The following RSPH14 variants were observed in gnomAD, a reference collection of about 807,000 sequenced individuals.
RSPH14 encodes the protein rhabdoid tumor deletion region gene 1.
RSPH14 carries 20 observed loss-of-function variants against 26.7 expected under a neutral mutation model. The observed-to-expected ratio is 0.75, with a 90% CI of 0.53 to 1.09. The LOEUF (loss-of-function observed/expected upper bound fraction) is 1.09, where lower values mean the gene tolerates loss of function less well. Among genes scored for constraint, RSPH14 ranks in the 50% least tolerant of loss-of-function variants. The pLI is 0.00. For missense variants in RSPH14, 449 were observed against 457.2 expected (o/e 0.98, Z 0.16); for synonymous variants, 177 against 189.3 (o/e 0.93, Z 0.53).
chr22:23,143,628 T>C (rs1207934816), upstream of RSPH14, among the ~76,000 whole-genome samples: 1 of 152,228 alleles, frequency 6.6e-6, no homozygotes, highest in Non-Finnish European at 1.5e-5. Context: ...TGTCATCCTT[T>C]GTCTAAAAAG....
rs1389856602 is a variant in RSPH14, at chr22:23,112,992, C to T, written c.421+21034G>A. Among the ~76,000 whole-genome samples the T allele has an allele frequency of 2.0e-5, 3 of 152,180 alleles. No individual in the cohort carries two copies. The East Asian group carries it at 5.8e-4, about 29-fold the overall frequency. On this transcript the variant is annotated intron_variant, in intron 4 of 6. Transcript: ENST00000216036. Reference sequence around the variant, plus strand: ...AGGAACATCCAGCTTTCAGGTCTGACGTGGCCCATTTTACCAGAAGAAGGG... The same window carrying T: ...AGGAACATCCAGCTTTCAGGTCTGATGTGGCCCATTTTACCAGAAGAAGGG...
At chr22:23,156,599 A>C in the RSPH14 span, among the ~76,000 whole-genome samples, 1 of 152,256 alleles carries the variant, frequency 6.6e-6, no homozygotes, top group Non-Finnish European at 1.5e-5. Context: ...AATGGATTTC[A>C]GTGGGAGATG....
At chr22:23,130,084 G>GAAGAAAGAAAGAAAGA (rs1221656067) in intron 4 of RSPH14, among the ~76,000 whole-genome samples, 2 of 51,756 alleles carry the variant, frequency 3.9e-5, no homozygotes, top group Non-Finnish European at 7.8e-5. Flanking sequence ...AGAAAGAAAG[G>GAAGAAAGAAAGAAAGA]AAGAAAGAAA....
chr22:23,118,178 A>T (rs1037082837), intron 4 of RSPH14, among the ~76,000 whole-genome samples: 11 of 152,144 alleles, frequency 7.2e-5, no homozygotes, highest in African/African-American at 2.7e-4. Context: ...CCAGGAAATG[A>T]CTTCCACACC....
chr22:23,171,278 C>G, the RSPH14 span, among the ~76,000 whole-genome samples: 1 of 152,098 alleles, frequency 6.6e-6, no homozygotes, highest in Admixed American at 6.5e-5. Context: ...CACTTTCTAC[C>G]TGGGCAGGTT....
chr22:23,159,256 G>A, the RSPH14 span: 3 of 1,581,860 alleles, frequency 1.9e-6, no homozygotes, highest in Admixed American at 1.8e-5. Context: ...CAAGACTGGT[G>A]AGTGGGCCAG....
Position 23,059,576 on chromosome 22 carries a change from C to T in RSPH14, c.933G>A (p.Thr311=), listed in dbSNP as rs533095411. 26 of 1,614,200 alleles carry T rather than the reference C, an allele frequency of 1.6e-5. No individual in the cohort carries two copies. The African/African-American group carries it at 2.8e-4, about 17-fold the overall frequency. The change falls in exon 7 of 7, where the codon ACG becomes ACA. Residue 311 remains threonine (T), a synonymous_variant. Transcript: ENST00000216036. ...EAPEGRKALQ[T]HVPTFRAMEV... is the part of the protein sequence containing the mutation. ...CCATGGCACGGAAAGTGGGCACGTG[C>T]GTCTGCAGGGCCTTGCGGCCCTCGG...
chr22:23,158,982 G>A, the RSPH14 span: 1 of 1,613,942 alleles, frequency 6.2e-7, no homozygotes, highest in Non-Finnish European at 8.5e-7. Flanking sequence ...ACCTTCTGGT[G>A]AGCAGAGTGG....
intron 4 of RSPH14, among the ~76,000 whole-genome samples, chr22:23,082,277 C>T (rs1337707679): frequency 2.0e-5 from 3 of 151,250 alleles, no homozygotes; most frequent in Middle Eastern, 3.2e-3. Context: ...AGTGTAATGG[C>T]GCGATCTCGG....
chr22:23,156,496 G>A, the RSPH14 span, among the ~76,000 whole-genome samples: 1 of 152,174 alleles, frequency 6.6e-6, no homozygotes, highest in African/African-American at 2.4e-5. Flanking sequence ...ATGGCCAAGG[G>A]CAGCCAGGTG....
intron 4 of RSPH14, among the ~76,000 whole-genome samples, chr22:23,110,985 G>A (rs1250306544): frequency 6.6e-6 from 1 of 152,210 alleles, no homozygotes; most frequent in Non-Finnish European, 1.5e-5. Context: ...GGTGCTGGGT[G>A]AACCAAGCAC....
At chr22:23,119,105 A>G (rs1343337638) in intron 4 of RSPH14, among the ~76,000 whole-genome samples, 18 of 152,240 alleles carry the variant, frequency 1.2e-4, no homozygotes. Flanking sequence ...CTACAGCTTC[A>G]AATAGACGGC....
chr22:23,110,229 C>T (rs2069606782), intron 4 of RSPH14, among the ~76,000 whole-genome samples: 1 of 152,092 alleles, frequency 6.6e-6, no homozygotes. Context: ...CCCCTCTGAG[C>T]ACCACTTTCC....
intron 2 of RSPH14, 29 bp from the exon 3 acceptor site, chr22:23,138,971 C>T: frequency 1.3e-6 from 2 of 1,504,752 alleles, no homozygotes; most frequent in Non-Finnish European, 8.9e-7. Context: ...ACAAACAAAC[C>T]AACCCTTGAA....
Position 23,071,433 on chromosome 22 carries a change from C to T in RSPH14, c.422-7300G>A, listed in dbSNP as rs1339776375. Among the ~76,000 whole-genome samples, 2 of 152,194 alleles carry T rather than the reference C, an allele frequency of 1.3e-5. No homozygotes were observed. Among genetic ancestry groups the T allele is most frequent in the Non-Finnish European group, 2.9e-5 (2 of 68,030 alleles). On this transcript the variant is annotated intron_variant, in intron 4 of 6. Coordinates refer to ENST00000216036, the MANE Select transcript of RSPH14 (RefSeq NM_014433.3). The surrounding 1 kb of genome is among the most constrained non-coding windows in gnomAD (Gnocchi z 4.1). ...TCCGTGTTGGGGTGGAGGGACCCGCCTGGTAGAGAGGTCTGTCTTGCTTGG... is the reference window on the plus strand; with the variant it reads ...TCCGTGTTGGGGTGGAGGGACCCGCTTGGTAGAGAGGTCTGTCTTGCTTGG...
the RSPH14 span, chr22:23,180,489 G>A: frequency 7.8e-5 from 13 of 167,188 alleles, no homozygotes; most frequent in Non-Finnish European, 7.8e-5. Context: ...ACCTCCCCCC[G>A]GCCCTCCCCT....
intron 4 of RSPH14, among the ~76,000 whole-genome samples, chr22:23,129,986 A>G (rs1601852596): frequency 2.0e-5 from 3 of 150,174 alleles, no homozygotes; most frequent in African/African-American, 7.5e-5. Flanking sequence ...GAAAGAGACA[A>G]AGAGAGAAAG....
intron 4 of RSPH14, among the ~76,000 whole-genome samples, chr22:23,126,060 G>GC (rs1375245533): frequency 6.6e-6 from 1 of 152,196 alleles, no homozygotes; most frequent in Non-Finnish European, 1.5e-5. Flanking sequence ...ACCCAGAGGG[G>GC]CTTTTGTTTC....
At chr22:23,087,660 G>T (rs191519749) in intron 4 of RSPH14, among the ~76,000 whole-genome samples, 1 of 152,268 alleles carries the variant, frequency 6.6e-6, no homozygotes, top group East Asian at 1.9e-4. Flanking sequence ...CTTGGTGGAT[G>T]GGGGGTAGCC....
Sources: gnomAD v4.1 joint callset for allele counts (sites outside exome capture counted in the v4.1 genomes callset) on GRCh38, gnomAD v4.1.1 for gene constraint, Gnocchi (gnomAD v3.1) non-coding constraint, MANE v1.5 for transcripts, NCBI Gene and HGNC (gene_info 2026-07-23, HGNC 2026-07-21) for gene names.